Variants in ITGA2 observed in about 807,000 individuals in gnomAD.
ITGA2 encodes integrin alpha-2.
ITGA2 carries 101 observed loss-of-function variants against 146.3 expected under a neutral mutation model. That is an observed-to-expected ratio of 0.69 (90% CI 0.59 to 0.81). The LOEUF (loss-of-function observed/expected upper bound fraction) is 0.81. ITGA2 is among the 40% of genes least tolerant of loss of function. The pLI is 0.00. For synonymous variants in ITGA2, 477 were observed against 487.1 expected (o/e 0.98, Z 0.27); for missense variants, 1,281 against 1,402.7 (o/e 0.91, Z 1.39).
At chr5:52,996,069 A>G (rs560721878) in intron 1 of ITGA2, among the ~76,000 whole-genome samples, 1 of 152,210 alleles carries the variant, frequency 6.6e-6, no homozygotes, top group Non-Finnish European at 1.5e-5. Flanking sequence ...CAGAGCGGCC[A>G]GAGGAGTAAT....
rs1745773810 is a variant in ITGA2 at position 53,078,785 on chromosome 5, A to T, written c.2839A>T (p.Asn947Tyr). ...EIHLTRSTNINFYEISSDGNV... is the reference protein window; with the variant it reads ...EIHLTRSTNIYFYEISSDGNV... ...ATCATCCAACAGATCTACCAACATA[A>T]ATTTTTATGAAATCTCTTCGGATGG... The change falls in exon 24 of 30, where the codon AAT becomes TAT. Residue 947 changes from asparagine to tyrosine, a missense_variant. Coordinates refer to ENST00000296585, the MANE Select transcript of ITGA2 (RefSeq NM_002203.4). 9 of 1,605,952 alleles carry T rather than the reference A, an allele frequency of 5.6e-6. No homozygotes were observed. Among genetic ancestry groups the T allele is most frequent in the Non-Finnish European group, 7.7e-6 (9 of 1,173,248 alleles).
At chr5:53,079,926 T>G (rs1745836724) in intron 24 of ITGA2, among the ~76,000 whole-genome samples, 1 of 152,098 alleles carries the variant, frequency 6.6e-6, no homozygotes, top group African/African-American at 2.4e-5. Context: ...CCTGGCCAAT[T>G]AGAACAGAAA....
Position 53,089,983 on chromosome 5 carries a change from A to C in ITGA2, c.3386A>C (p.Glu1129Ala). The C allele has an allele frequency of 6.2e-7, 1 of 1,613,284 alleles. No individual in the cohort carries two copies. The highest frequency in any genetic ancestry group is 2.2e-5 in the East Asian group (1 of 44,848). The change falls in exon 29 of 30, where the codon GAA becomes GCA. Residue 1129 changes from glutamate (E) to alanine (A), a missense_variant. Transcript: ENST00000296585. Reference protein sequence around the residue: ...LMIMKPDEKAEVPTGVIIGSI... With the variant: ...LMIMKPDEKAAVPTGVIIGSI... ...ATAATGAAACCTGATGAGAAAGCCG[A>C]AGTACCAACAGGAGTTATAATAGGA...
chr5:53,090,141 G>C, intron 29 of ITGA2, 79 bp downstream of exon 29: 1 of 842,444 alleles, frequency 1.2e-6, no homozygotes, highest in Non-Finnish European at 2.1e-6. Context: ...TCAACTTCAG[G>C]TTTTATATGG....
At chr5:53,085,594 C>T (rs772352558) in intron 27 of ITGA2, among the ~76,000 whole-genome samples, 2 of 152,164 alleles carry the variant, frequency 1.3e-5, no homozygotes, top group Non-Finnish European at 2.9e-5. Context: ...GACTGGTGAG[C>T]ATGGTTAATT....
At chr5:53,017,767 A>G (rs762187729) in intron 1 of ITGA2, among the ~76,000 whole-genome samples, 3 of 152,070 alleles carry the variant, frequency 2.0e-5, no homozygotes, top group Non-Finnish European at 4.4e-5. Flanking sequence ...AGCTGGGGGT[A>G]TGGTAGGATG....
In ITGA2 at chr5:53,091,855, T is replaced by G. The variant is rs1740438935; in HGVS notation, c.*1256T>G. 2 of 152,210 alleles carry G rather than the reference T, an allele frequency of 1.3e-5. No individual in the cohort carries two copies. The highest frequency in any genetic ancestry group is 4.8e-5 in the African/African-American group (2 of 41,440). The allele number at this position is 152,210 out of a possible 1,614,324, so 9.4% of individuals were successfully genotyped here. On this transcript the variant is annotated 3_prime_UTR_variant, in exon 30 of 30. Coordinates refer to ENST00000296585, the MANE Select transcript of ITGA2 (RefSeq NM_002203.4). Reference sequence around the variant, plus strand: ...GATGTAAACAATGTAAAGTAAGACATCTCAGGATTTCACCAGAAGTTACAG... The same window carrying G: ...GATGTAAACAATGTAAAGTAAGACAGCTCAGGATTTCACCAGAAGTTACAG...
chr5:53,037,757 T>G (rs115634519), intron 2 of ITGA2, among the ~76,000 whole-genome samples: 294 of 152,326 alleles, frequency 1.9e-3, no homozygotes, highest in African/African-American at 6.9e-3. Context: ...CTTATTAATG[T>G]GGTTCACAAT....
chr5:53,023,661 T>A lies in ITGA2; in HGVS notation c.65-3087T>A, dbSNP rs188815000. 1.3e-3 allele frequency among the ~76,000 whole-genome samples: 198 copies of A among 152,308 alleles called. 2 individuals carry two copies. The South Asian group carries it at 0.027, about 21-fold the overall frequency. On this transcript the variant is annotated intron_variant, in intron 1 of 29. Coordinates refer to ENST00000296585, the MANE Select transcript of ITGA2 (RefSeq NM_002203.4). ...CATTTTTTAAGTATGTATAGACACA[T>A]GGGCATGGTTTGGAGGAAGGAAACA...
chr5:53,026,844 A>G lies in ITGA2; in HGVS notation c.161A>G (p.Gln54Arg), dbSNP rs1742974729. ...GAACAGTTTGGCTATGCAGTGCAGC[A>G]GTTTATAAATCCAAAAGGCAACTGG... is the stretch of plus-strand genomic sequence containing the variant. ...SSEQFGYAVQ[Q>R]FINPKGNWLL... Residue 54 changes from glutamine (Q) to arginine (R), a missense_variant, in exon 2 of 30, where the codon CAG becomes CGG. Physicochemically the swap from Gln to Arg is conservative, Grantham distance 43. Transcript: ENST00000296585. 1 of 1,613,386 alleles carries G rather than the reference A, an allele frequency of 6.2e-7. No individual in the cohort carries two copies. Among genetic ancestry groups the G allele is most frequent in the Non-Finnish European group, 8.5e-7 (1 of 1,179,490 alleles).
intron 8 of ITGA2, 128 bp downstream of exon 8, chr5:53,055,816 T>C (rs1232255710): frequency 2.3e-6 from 3 of 1,282,418 alleles, no homozygotes; most frequent in Admixed American, 1.7e-5. Context: ...TCTTACTCTA[T>C]CTCTGCTTCT....
At position 53,070,226 on chromosome 5, in the gene ITGA2, C is replaced by T. The variant is rs148414859; in HGVS notation, c.2201C>T (p.Ala734Val). ...CAGAAGAATATGGTAGTAAATCAAG[C>T]ACAGAGTTGCCCCGAGCACATCATT... ...CLQKNMVVNQ[A>V]QSCPEHIIYI... Residue 734 changes from alanine to valine, a missense_variant, in exon 17 of 30, where the codon GCA becomes GTA. Around this residue, in one of 3 missense-constraint regions of ITGA2, gnomAD observed 475 missense variants for 530.5 expected, o/e 0.90. Coordinates refer to ENST00000296585, the MANE Select transcript of ITGA2 (RefSeq NM_002203.4). The T allele has an allele frequency of 1.2e-6, 2 of 1,611,724 alleles. No individual in the cohort carries two copies. The highest frequency in any genetic ancestry group is 2.7e-5 in the African/African-American group (2 of 74,702).
At chr5:53,071,256 A>G (rs199909391) in intron 17 of ITGA2, among the ~76,000 whole-genome samples, 2 of 151,810 alleles carry the variant, frequency 1.3e-5, no homozygotes, top group African/African-American at 2.4e-5. Flanking sequence ...AGATTCCTTA[A>G]AGGAAAAAAT....
At position 53,033,786 on chromosome 5, in the gene ITGA2, C is replaced by T. The variant is rs188273955; in HGVS notation, c.185+6918C>T. Among the ~76,000 whole-genome samples, 123 of 144,650 alleles carry T rather than the reference C, an allele frequency of 8.5e-4. 2 individuals are homozygous for T. The East Asian group carries it at 0.023, about 27-fold the overall frequency. 94.9% of individuals were successfully genotyped at this position (144,650 alleles called of 152,430 possible). ...CTAATTTTTTTTTTTTTTTTTGAGA[C>T]GGAGTCTCACTCTTTTGCCCAGGAT... On this transcript the variant is annotated intron_variant, in intron 2 of 29. Coordinates refer to ENST00000296585, the MANE Select transcript of ITGA2 (RefSeq NM_002203.4).
intron 1 of ITGA2, among the ~76,000 whole-genome samples, chr5:53,025,876 A>G (rs1348428738): frequency 6.6e-6 from 1 of 152,244 alleles, no homozygotes; most frequent in Non-Finnish European, 1.5e-5. Flanking sequence ...AAGAACTGGC[A>G]GCATTAATGC....
chr5:53,037,914 T>C (rs3797499), intron 2 of ITGA2, among the ~76,000 whole-genome samples: 99,380 of 152,058 alleles, frequency 0.65, 32,909 homozygotes, highest in Non-Finnish European at 0.7. Context: ...ATGTATCTTT[T>C]AGGGAATTTC....
Position 53,075,324 on chromosome 5 carries a change from A to G in ITGA2, c.2825+20A>G. The G allele has an allele frequency of 6.3e-7, 1 of 1,586,064 alleles. No individual in the cohort carries two copies. Among genetic ancestry groups the G allele is most frequent in the Non-Finnish European group, 8.7e-7 (1 of 1,155,508 alleles). ...AACAAGGTAGGTGAAGCAGTGGGTA[A>G]CCTGCTATCACTGACACCAACTCTA... On this transcript the variant is annotated intron_variant, in intron 23 of 29. Coordinates refer to ENST00000296585, the MANE Select transcript of ITGA2 (RefSeq NM_002203.4).
intron 1 of ITGA2, among the ~76,000 whole-genome samples, chr5:52,999,324 AC>A (rs1242456749): frequency 1.3e-5 from 2 of 152,232 alleles, no homozygotes; most frequent in Admixed American, 6.5e-5. Context: ...AAATTTTAAA[AC>A]TTTTATTTAT....
chr5:52,998,143 T>C (rs1055465384), intron 1 of ITGA2, among the ~76,000 whole-genome samples: 1 of 152,136 alleles, frequency 6.6e-6, no homozygotes. Flanking sequence ...TTTGCTATGG[T>C]TCAAGTGAGC....
Sources: gnomAD v4.1 joint callset for allele counts (sites outside exome capture counted in the v4.1 genomes callset) on GRCh38, gnomAD v4.1.1 for gene constraint, gnomAD v4.1.1 regional missense constraint, MANE v1.5 for transcripts, NCBI Gene and HGNC (gene_info 2026-07-23, HGNC 2026-07-21) for gene names.